The following ACTMAP variants were observed in gnomAD, a reference collection of about 807,000 sequenced individuals.
The protein encoded by ACTMAP is UPF0692 protein C19orf54.
chr19:40,741,691 G>A, the ACTMAP span: 15 of 456,496 alleles, frequency 3.3e-5, no homozygotes, highest in South Asian at 2.3e-4. Flanking sequence ...CTTGAATCCT[G>A]ACCTTGCCAT....
the ACTMAP span, among the ~76,000 whole-genome samples, chr19:40,748,789 T>C: frequency 1.3e-5 from 2 of 152,172 alleles, no homozygotes; most frequent in Non-Finnish European, 2.9e-5. Context: ...GCAAGCTGTA[T>C]ACTCTCATCA....
the ACTMAP span, chr19:40,743,987 A>G: frequency 6.2e-7 from 1 of 1,614,004 alleles, no homozygotes; most frequent in Non-Finnish European, 8.5e-7. Context: ...TGGTGCTGGC[A>G]TTAAGGTAAA....
chr19:40,750,449 G>T, the ACTMAP span: 1 of 152,136 alleles, frequency 6.6e-6, no homozygotes, highest in African/African-American at 2.4e-5. Flanking sequence ...AAAAGGAAAG[G>T]AGTCAGGAAG....
the ACTMAP span, chr19:40,745,153 C>A: frequency 1.3e-5 from 20 of 1,551,780 alleles, no homozygotes; most frequent in Non-Finnish European, 1.7e-5. Flanking sequence ...GGATGAGGGA[C>A]GGCAGGTCTG....
chr19:40,746,557 AGTAGCAACAGGGTTTCACCCTGT>A, the ACTMAP span, among the ~76,000 whole-genome samples: 1 of 151,978 alleles, frequency 6.6e-6, no homozygotes, highest in East Asian at 1.9e-4. Flanking sequence ...TTGTATTTTT[AGTAGCAACAGGGTTTCACCCTGT>A]TAGCCAGGAT....
the ACTMAP span, among the ~76,000 whole-genome samples, chr19:40,745,752 A>G: frequency 6.6e-6 from 1 of 152,154 alleles, no homozygotes; most frequent in African/African-American, 2.4e-5. Context: ...AGCTCACTGC[A>G]ACCCCTACCT....
the ACTMAP span, chr19:40,743,971 C>T: frequency 2.0e-5 from 33 of 1,614,022 alleles, no homozygotes; most frequent in African/African-American, 1.1e-4. Flanking sequence ...AAGTCCTCGT[C>T]GTAGCTGGTG....
the ACTMAP span, chr19:40,744,793 C>T: frequency 7.0e-7 from 1 of 1,430,290 alleles, no homozygotes; most frequent in Non-Finnish European, 9.2e-7. Context: ...TCCCCTCTCC[C>T]AGGCCAGCGA....
chr19:40,745,688 T>C, the ACTMAP span, among the ~76,000 whole-genome samples: 3 of 152,236 alleles, frequency 2.0e-5, no homozygotes, highest in African/African-American at 2.4e-5. Flanking sequence ...TTATTTTATT[T>C]TGAGACAGAG....
chr19:40,744,691 C>CA, the ACTMAP span: 1 of 1,600,284 alleles, frequency 6.2e-7, no homozygotes, highest in Admixed American at 1.7e-5. Flanking sequence ...CATCTGGGGA[C>CA]AGAGAGGCCC....
At chr19:40,749,633 T>G in the ACTMAP span, 3 of 1,548,870 alleles carry the variant, frequency 1.9e-6, no homozygotes, top group East Asian at 2.5e-5. Flanking sequence ...GAGGAGGCAG[T>G]GGGAGCGGTG....
chr19:40,744,835 CAGGGCTGG>C, the ACTMAP span: 1 of 1,253,296 alleles, frequency 8.0e-7, no homozygotes, highest in African/African-American at 1.5e-5. Context: ...GGGGAGAGCC[CAGGGCTGG>C]AGGGCTGGGG....
the ACTMAP span, among the ~76,000 whole-genome samples, chr19:40,747,165 G>A: frequency 3.9e-5 from 6 of 152,088 alleles, no homozygotes; most frequent in Non-Finnish European, 7.4e-5. Flanking sequence ...TTGGGTGTTG[G>A]GGGGGTGCGG....
At chr19:40,742,175 T>A in the ACTMAP span, 1 of 656,096 alleles carries the variant, frequency 1.5e-6, no homozygotes, top group East Asian at 3.0e-5. Flanking sequence ...TCTAGTGAGA[T>A]GACAGAGGCG....
chr19:40,741,034 AC>A, the ACTMAP span: 1 of 398,730 alleles, frequency 2.5e-6, no homozygotes, highest in African/African-American at 2.1e-5. Context: ...TGCAGGGGAC[AC>A]AGTGGTGAGC....
At chr19:40,744,416 G>A in the ACTMAP span, 4 of 1,438,448 alleles carry the variant, frequency 2.8e-6, no homozygotes, top group Non-Finnish European at 3.7e-6. Context: ...AGTCCATCTT[G>A]TAACCTCTCT....
At chr19:40,744,474 T>G in the ACTMAP span, 1 of 1,558,028 alleles carries the variant, frequency 6.4e-7, no homozygotes, top group Non-Finnish European at 8.7e-7. Context: ...TGAGACACCC[T>G]GACACACGGC....
chr19:40,744,101 G>A, the ACTMAP span: 10 of 1,613,858 alleles, frequency 6.2e-6, no homozygotes, highest in Non-Finnish European at 8.5e-6. Flanking sequence ...ACCAGGTGCT[G>A]CAGGACGAGG....
chr19:40,750,180 G>A, the ACTMAP span: 1 of 168,636 alleles, frequency 5.9e-6, no homozygotes, highest in African/African-American at 2.4e-5. Context: ...TCTAGAGTGA[G>A]GTGCCTTAAG....
Sources: allele counts gnomAD v4.1 joint callset (sites outside exome capture counted in the v4.1 genomes callset), GRCh38; gene constraint gnomAD v4.1.1; transcripts MANE v1.5; gene names NCBI Gene and HGNC (gene_info 2026-07-23, HGNC 2026-07-21).